EVA1A: variants seen among roughly 807,000 people sequenced by gnomAD.
EVA1A encodes the protein eva-1 homolog A, regulator of programmed cell death.
A neutral mutation model predicts 9.8 loss-of-function variants in EVA1A; 7 were observed. That is an observed-to-expected ratio of 0.71 (90% CI 0.41 to 1.34). The LOEUF (loss-of-function observed/expected upper bound fraction) is 1.34, where lower values mean the gene tolerates loss of function less well. EVA1A is among the 40% of genes most tolerant of loss of function. The pLI, the probability that EVA1A is intolerant of heterozygous loss-of-function variation, is 0.01. For synonymous variants in EVA1A, 90 were observed against 85.6 expected (o/e 1.05, Z -0.28); for missense variants, 206 against 205.9 (o/e 1.00, Z 0.00).
chr2:75,536,877 G>A (rs1244161770), intron 1 of EVA1A, among the ~76,000 whole-genome samples: 2 of 151,990 alleles, frequency 1.3e-5, no homozygotes, highest in African/African-American at 4.8e-5. Flanking sequence ...TCTATCAAAT[G>A]TTTAAAGAAG....
intron 3 of EVA1A, among the ~76,000 whole-genome samples, chr2:75,509,575 A>G (rs1045377293): frequency 6.6e-6 from 1 of 152,176 alleles, no homozygotes; most frequent in Non-Finnish European, 1.5e-5. Context: ...CATATTGTAC[A>G]GTTGTTTTGA....
At chr2:75,493,666 G>T in intron 3 of EVA1A, 57 bp from the exon 4 acceptor site, 2 of 1,473,662 alleles carry the variant, frequency 1.4e-6, no homozygotes, top group Non-Finnish European at 1.8e-6. Context: ...CATATGCAGA[G>T]ATCCAATATG....
chr2:75,523,523 C>G (rs1173853247), intron 1 of EVA1A, among the ~76,000 whole-genome samples: 1 of 152,132 alleles, frequency 6.6e-6, no homozygotes, highest in African/African-American at 2.4e-5. Flanking sequence ...TGAGAGAAAC[C>G]CCGATTTTCT....
intron 1 of EVA1A, 36 bp downstream of exon 1, chr2:75,560,644 C>T (rs568735660): frequency 0.042 from 6,330 of 152,396 alleles, 213 homozygotes; most frequent in African/African-American, 0.084. Flanking sequence ...GCCGGGCGCC[C>T]CCAGAGTTCA....
At chr2:75,495,635 A>G (rs1386956882) in intron 3 of EVA1A, among the ~76,000 whole-genome samples, 2 of 152,176 alleles carry the variant, frequency 1.3e-5, no homozygotes, top group Admixed American at 6.5e-5. Context: ...TTGTCATCCA[A>G]ATTAATTTCT....
At position 75,560,888 on chromosome 2, in the gene EVA1A, C is replaced by G. The variant is rs1676901908; in HGVS notation, c.-400G>C. Reference sequence around the variant, plus strand: ...GGGATGTGGGGTCCCGGCCTGGGTGCTCACGGACGGCGGCGCCAAGCCCCG... The same window carrying G: ...GGGATGTGGGGTCCCGGCCTGGGTGGTCACGGACGGCGGCGCCAAGCCCCG... On this transcript the variant is annotated 5_prime_UTR_variant, in exon 1 of 4. Transcript: ENST00000393913. The G allele has an allele frequency of 6.5e-6, 1 of 153,070 alleles. No homozygotes were observed. The highest frequency in any genetic ancestry group is 1.5e-5 in the Non-Finnish European group (1 of 68,638). The allele number at this position is 153,070 out of a possible 1,614,324, so 9.5% of individuals were successfully genotyped here. A position where few individuals can be genotyped will look rare whatever the true frequency, so the allele number is the denominator to read the frequency against.
intron 3 of EVA1A, among the ~76,000 whole-genome samples, chr2:75,516,108 T>A (rs1674998257): frequency 6.6e-6 from 1 of 152,242 alleles, no homozygotes; most frequent in African/African-American, 2.4e-5. Context: ...TAGAGCAGAA[T>A]GAGGACATGA....
intron 1 of EVA1A, among the ~76,000 whole-genome samples, chr2:75,525,483 T>C (rs1675397084): frequency 6.6e-6 from 1 of 152,220 alleles, no homozygotes; most frequent in Admixed American, 6.5e-5. Context: ...AGTGAAACAA[T>C]CAGCTTTGTG....
In EVA1A at chr2:75,518,073, G is replaced by A. The variant is rs773781691; in HGVS notation, c.68C>T (p.Ala23Val). Residue 23 changes from alanine (A) to valine (V), a missense_variant, in exon 3 of 4, where the codon GCC becomes GTC. Ala to Val is a moderately conservative substitution (Grantham distance 64). Coordinates refer to ENST00000393913, the MANE Select transcript of EVA1A (RefSeq NM_001135032.2). The part of the protein sequence containing the change: ...EMALLSNILA[A>V]YSFVSENPER... ...GCACCTACCTGAGACAAAGGAATAG[G>A]CCGCTAGGATGTTGCTGAGCAAAGC... The A allele has an allele frequency of 8.1e-6, 13 of 1,614,138 alleles. No individual in the cohort carries two copies. Among genetic ancestry groups the A allele is most frequent in the Non-Finnish European group, 9.3e-6 (11 of 1,180,002 alleles).
chr2:75,545,206 A>T (rs953423467), intron 1 of EVA1A, among the ~76,000 whole-genome samples: 6 of 152,238 alleles, frequency 3.9e-5, no homozygotes, highest in African/African-American at 1.4e-4. Flanking sequence ...GCAGGAAAAG[A>T]TGTAAGAAAC....
intron 1 of EVA1A, among the ~76,000 whole-genome samples, chr2:75,566,522 CT>C (rs1005078093): frequency 6.6e-6 from 1 of 152,164 alleles, no homozygotes; most frequent in Non-Finnish European, 1.5e-5. Context: ...CTTCTCTCAC[CT>C]TTTTAAATGT....
intron 1 of EVA1A, among the ~76,000 whole-genome samples, chr2:75,568,911 G>C (rs1354391737): frequency 2.0e-5 from 3 of 152,118 alleles, no homozygotes; most frequent in African/African-American, 7.2e-5. Context: ...TCACATCTTT[G>C]CAATTGCAAA....
At chr2:75,567,926 T>C (rs1248963354) in intron 1 of EVA1A, among the ~76,000 whole-genome samples, 2 of 152,238 alleles carry the variant, frequency 1.3e-5, no homozygotes, top group Non-Finnish European at 2.9e-5. Flanking sequence ...GCTGATTCAC[T>C]TGCTTCATTT....
At chr2:75,534,456 A>T (rs1396536498) in intron 1 of EVA1A, among the ~76,000 whole-genome samples, 1 of 151,990 alleles carries the variant, frequency 6.6e-6, no homozygotes, top group African/African-American at 2.4e-5. Flanking sequence ...ACTTAAAAAC[A>T]CTACGAACAA....
At chr2:75,525,089 A>G (rs987385139) in intron 1 of EVA1A, among the ~76,000 whole-genome samples, 7 of 152,136 alleles carry the variant, frequency 4.6e-5, no homozygotes, top group African/African-American at 7.2e-5. Flanking sequence ...ACTTATATAC[A>G]TACATATATA....
In EVA1A at chr2:75,496,305, G is replaced by A. The variant is rs368224599; in HGVS notation, c.86-2696C>T. Among the ~76,000 whole-genome samples the A allele has an allele frequency of 8.3e-4, 126 of 152,200 alleles. 1 individual carries two copies. Among genetic ancestry groups the A allele is most frequent in the African/African-American group, 2.9e-3 (121 of 41,542 alleles). On this transcript the variant is annotated intron_variant, in intron 3 of 3. Coordinates refer to ENST00000393913, the MANE Select transcript of EVA1A (RefSeq NM_001135032.2). Reference sequence around the variant, plus strand: ...AAAACCCTAAAAACTCTGCCAAAAGGCTCCTCAAACAGATAATTGACTTCA... The same window carrying A: ...AAAACCCTAAAAACTCTGCCAAAAGACTCCTCAAACAGATAATTGACTTCA...
intron 1 of EVA1A, chr2:75,540,915 A>C (rs1360988701): frequency 1.3e-5 from 2 of 152,250 alleles, no homozygotes; most frequent in Admixed American, 6.5e-5. Flanking sequence ...TAGGGACAGA[A>C]GGGTGAGAAT....
intron 1 of EVA1A, among the ~76,000 whole-genome samples, chr2:75,537,577 C>A (rs1236720543): frequency 6.6e-6 from 1 of 152,104 alleles, no homozygotes; most frequent in Non-Finnish European, 1.5e-5. Context: ...GGAATTTACC[C>A]AAAAAACCTC....
chr2:75,561,261 A>T (rs990966242), upstream of EVA1A: 1 of 152,156 alleles, frequency 6.6e-6, no homozygotes, highest in Non-Finnish European at 1.5e-5. Context: ...GCAGACCTCC[A>T]AGCCCCTGCC....
Sources: allele counts gnomAD v4.1 joint callset (sites outside exome capture counted in the v4.1 genomes callset), GRCh38; gene constraint gnomAD v4.1.1; transcripts MANE v1.5; gene names NCBI Gene and HGNC (gene_info 2026-07-23, HGNC 2026-07-21).